Variants in SUGCT observed in about 807,000 individuals in gnomAD.
The protein encoded by SUGCT is succinyl-CoA:glutarate-CoA transferase, also known as succinyl-CoA:glutarate CoA-transferase.
In SUGCT, 41 loss-of-function variants were observed where a neutral mutation model predicts 55.0. The ratio of observed to expected loss-of-function variants is 0.74; its 90% CI spans 0.58 to 0.97. The LOEUF (loss-of-function observed/expected upper bound fraction) is 0.97, where lower values mean the gene tolerates loss of function less well. SUGCT is among the 50% of genes least tolerant of loss of function. The pLI is 0.00. For missense variants in SUGCT, 568 were observed against 547.8 expected (o/e 1.04, Z -0.37); for synonymous variants, 187 against 200.4 (o/e 0.93, Z 0.56).
chr7:40,801,500 T>TCAAA (rs1044100744), intron 13 of SUGCT, among the ~76,000 whole-genome samples: 1 of 152,144 alleles, frequency 6.6e-6, no homozygotes, highest in African/African-American at 2.4e-5. Context: ...TTTACAGTAT[T>TCAAA]CAAAGTACTT....
At chr7:40,830,639 G>T (rs1199478419) in intron 13 of SUGCT, among the ~76,000 whole-genome samples, 1 of 152,132 alleles carries the variant, frequency 6.6e-6, no homozygotes, top group African/African-American at 2.4e-5. Flanking sequence ...TCCTTGGCTG[G>T]ATTCATGTTT....
At chr7:40,821,731 AT>A (rs543152329) in intron 13 of SUGCT, among the ~76,000 whole-genome samples, 3 of 151,834 alleles carry the variant, frequency 2.0e-5, no homozygotes, top group Non-Finnish European at 4.4e-5. Flanking sequence ...GGATTCATTG[AT>A]TTTTTTGAAG....
chr7:40,254,568 A>G lies in SUGCT; in HGVS notation c.576+16842A>G, dbSNP rs377408930. 1.4e-3 allele frequency among the ~76,000 whole-genome samples: 218 copies of G among 151,374 alleles called. 3 individuals are homozygous for G. The highest frequency in any genetic ancestry group is 5.0e-3 in the African/African-American group (205 of 41,342). On this transcript the variant is annotated intron_variant, in intron 7 of 13. Coordinates refer to ENST00000335693, the MANE Select transcript of SUGCT (RefSeq NM_001193313.2). The stretch of plus-strand genomic sequence containing the variant: ...ACCACCACACCCAGCTAATTTTTGT[A>G]TTTTTTAGTAGAGGTGGGGTTTCAC...
intron 12 of SUGCT, among the ~76,000 whole-genome samples, chr7:40,747,605 T>G (rs1787797708): frequency 1.3e-5 from 2 of 152,186 alleles, no homozygotes; most frequent in Admixed American, 1.3e-4. Context: ...AAGATTACTG[T>G]GCCACTGAAA....
intron 1 of SUGCT, among the ~76,000 whole-genome samples, chr7:40,177,678 T>G (rs1197539357): frequency 1.3e-5 from 2 of 152,186 alleles, no homozygotes; most frequent in Non-Finnish European, 2.9e-5. Context: ...TCAGCTATTG[T>G]GTTGGTATCT....
chr7:40,177,808 G>T (rs894258975), intron 1 of SUGCT, among the ~76,000 whole-genome samples: 2 of 152,094 alleles, frequency 1.3e-5, no homozygotes, highest in African/African-American at 4.8e-5. Flanking sequence ...GGAGTGCAGT[G>T]GTGTAATCTC....
chr7:40,957,734 G>C, the SUGCT span, among the ~76,000 whole-genome samples: 1 of 151,928 alleles, frequency 6.6e-6, no homozygotes, highest in Non-Finnish European at 1.5e-5. Flanking sequence ...TTGCCTGTTA[G>C]TTGATGCAGT....
intron 12 of SUGCT, among the ~76,000 whole-genome samples, chr7:40,721,106 A>G (rs965995999): frequency 6.6e-6 from 1 of 152,244 alleles, no homozygotes; most frequent in African/African-American, 2.4e-5. Context: ...TTCTGGAGCC[A>G]GTCTGTAGCA....
chr7:40,776,753 T>G (rs939525161), intron 13 of SUGCT, among the ~76,000 whole-genome samples: 2 of 152,182 alleles, frequency 1.3e-5, no homozygotes, highest in African/African-American at 4.8e-5. Context: ...GTACCTAGCA[T>G]TCTGGCTCTT....
the SUGCT span, among the ~76,000 whole-genome samples, chr7:40,976,883 C>T: frequency 6.6e-6 from 1 of 152,204 alleles, no homozygotes; most frequent in Non-Finnish European, 1.5e-5. Context: ...ACACTACTTT[C>T]AATGAGGTAA....
chr7:40,680,592 C>T (rs1441860702), intron 12 of SUGCT, among the ~76,000 whole-genome samples: 2 of 152,070 alleles, frequency 1.3e-5, no homozygotes, highest in Non-Finnish European at 2.9e-5. Context: ...CACCTCCCCA[C>T]CCAAGGATAT....
chr7:40,517,844 C>T (rs1282670585), intron 12 of SUGCT, among the ~76,000 whole-genome samples: 1 of 152,048 alleles, frequency 6.6e-6, no homozygotes, highest in Non-Finnish European at 1.5e-5. Context: ...CCCTTCTACC[C>T]ATCCCGGTAG....
chr7:40,583,369 G>A (rs1322864571), intron 12 of SUGCT, among the ~76,000 whole-genome samples: 1 of 151,522 alleles, frequency 6.6e-6, no homozygotes, highest in African/African-American at 2.4e-5. Context: ...TTTCCTGTAT[G>A]GATTGATCTT....
intron 1 of SUGCT, among the ~76,000 whole-genome samples, chr7:40,142,591 C>T (rs1285984475): frequency 6.6e-6 from 1 of 152,182 alleles, no homozygotes. Context: ...AGAACTGAGG[C>T]TATTATTCTT....
intron 12 of SUGCT, among the ~76,000 whole-genome samples, chr7:40,624,084 AC>A (rs1799403174): frequency 6.6e-6 from 1 of 152,218 alleles, no homozygotes; most frequent in South Asian, 2.1e-4. Flanking sequence ...CATATGTCAG[AC>A]AGTCTCTGGC....
intron 13 of SUGCT, among the ~76,000 whole-genome samples, chr7:40,848,744 C>T (rs1793706496): frequency 6.6e-6 from 1 of 152,138 alleles, no homozygotes; most frequent in Admixed American, 6.6e-5. Context: ...TCTGGGACGC[C>T]TGGTCCCGTA....
At chr7:40,874,388 C>A in the SUGCT span, among the ~76,000 whole-genome samples, 2 of 152,184 alleles carry the variant, frequency 1.3e-5, no homozygotes, top group Non-Finnish European at 2.9e-5. Flanking sequence ...TTCCTTTATA[C>A]ATTTTGTTCT....
At chr7:40,349,161 T>A (rs1797479171) in intron 9 of SUGCT, among the ~76,000 whole-genome samples, 1 of 152,206 alleles carries the variant, frequency 6.6e-6, no homozygotes. Flanking sequence ...TCTTTAATAC[T>A]CATCACTATT....
intron 12 of SUGCT, among the ~76,000 whole-genome samples, chr7:40,700,277 TC>T (rs993871095): frequency 6.6e-6 from 1 of 152,142 alleles, no homozygotes; most frequent in African/African-American, 2.4e-5. Flanking sequence ...TCCAGTCCCA[TC>T]TTAGGACTGG....
Sources: gnomAD v4.1 joint callset for allele counts (sites outside exome capture counted in the v4.1 genomes callset) on GRCh38, gnomAD v4.1.1 for gene constraint, MANE v1.5 for transcripts, NCBI Gene and HGNC (gene_info 2026-07-23, HGNC 2026-07-21) for gene names.